Variants in IQCM observed in about 807,000 individuals in gnomAD.
IQCM encodes the protein IQ motif containing M.
A neutral mutation model predicts 57.6 loss-of-function variants in IQCM; 45 were observed. The ratio of observed to expected loss-of-function variants is 0.78; its 90% confidence interval spans 0.62 to 1.00. The LOEUF (loss-of-function observed/expected upper bound fraction) is 1.00, where lower values mean the gene tolerates loss of function less well. Among genes scored for constraint, IQCM ranks in the 50% least tolerant of loss-of-function variants. IQCM has a pLI of 0.00. For synonymous variants in IQCM, 148 were observed against 158.9 expected (o/e 0.93, Z 0.51); for missense variants, 468 against 511.6 (o/e 0.91, Z 0.82).
At chr4:149,449,397 A>T (rs1736860149) in intron 12 of IQCM, among the ~76,000 whole-genome samples, 1 of 145,404 alleles carries the variant, frequency 6.9e-6, no homozygotes, top group Admixed American at 7.0e-5. Flanking sequence ...TAATATATAT[A>T]TTTATATTTA....
rs543839080 is a variant in IQCM, at chr4:149,744,068, A to G, written c.-48-1329T>C. Among the ~76,000 whole-genome samples, 11 of 152,342 alleles carry G rather than the reference A, an allele frequency of 7.2e-5. No individual in the cohort carries two copies. In the South Asian group the frequency reaches 2.1e-3, roughly 29 times the overall value. On this transcript the variant is annotated intron_variant, in intron 2 of 13. Coordinates refer to ENST00000636793, the MANE Select transcript of IQCM (RefSeq NM_001363507.2). Reference sequence around the variant, plus strand: ...ATCTGTAAGCCAGCTTTGCCCTATGAAAGTCAGGACCCTGTAGCCTCATGC... The same window carrying G: ...ATCTGTAAGCCAGCTTTGCCCTATGGAAGTCAGGACCCTGTAGCCTCATGC...
At chr4:149,379,198 T>C (rs751133333) in intron 13 of IQCM, among the ~76,000 whole-genome samples, 1 of 152,214 alleles carries the variant, frequency 6.6e-6, no homozygotes, top group Non-Finnish European at 1.5e-5. Flanking sequence ...GAACCTCTGC[T>C]AGGGCAGTGC....
chr4:149,566,489 T>C (rs1277534591), intron 9 of IQCM, among the ~76,000 whole-genome samples: 1 of 152,082 alleles, frequency 6.6e-6, no homozygotes, highest in Non-Finnish European at 1.5e-5. Context: ...AGTTTGTGTG[T>C]GTGTGTGCGT....
intron 8 of IQCM, among the ~76,000 whole-genome samples, chr4:149,619,818 T>C (rs1756160222): frequency 6.6e-6 from 1 of 152,094 alleles, no homozygotes. Context: ...GTCATAAGGG[T>C]AGGGTCCTAA....
chr4:149,797,354 A>G (rs939865647), intron 2 of IQCM, among the ~76,000 whole-genome samples: 19 of 152,102 alleles, frequency 1.2e-4, no homozygotes, highest in African/African-American at 4.3e-4. Context: ...AAGACAGGCT[A>G]TTTTAAAATA....
intron 4 of IQCM, among the ~76,000 whole-genome samples, chr4:149,734,218 A>G (rs1385809920): frequency 1.3e-5 from 2 of 152,172 alleles, no homozygotes; most frequent in African/African-American, 4.8e-5. Flanking sequence ...TTGCTGACTC[A>G]AAAGGTCAAT....
At chr4:149,357,217 C>A (rs1281342770) in intron 13 of IQCM, among the ~76,000 whole-genome samples, 1 of 152,168 alleles carries the variant, frequency 6.6e-6, no homozygotes, top group Non-Finnish European at 1.5e-5. Flanking sequence ...TTCCTCTTTT[C>A]CTAATTTAAT....
At chr4:149,562,140 C>T (rs1051503206) in intron 10 of IQCM, among the ~76,000 whole-genome samples, 2 of 152,112 alleles carry the variant, frequency 1.3e-5, no homozygotes, top group African/African-American at 4.8e-5. Context: ...CTACTATATC[C>T]TGTAAGCAAT....
intron 7 of IQCM, among the ~76,000 whole-genome samples, chr4:149,621,763 CT>C (rs1661946082): frequency 6.6e-6 from 1 of 152,142 alleles, no homozygotes; most frequent in Admixed American, 6.5e-5. Flanking sequence ...CATATTTGTT[CT>C]GTCTCATGGC....
intron 12 of IQCM, among the ~76,000 whole-genome samples, chr4:149,468,529 C>T (rs12500855): frequency 0.96 from 146,186 of 152,242 alleles, 70,493 homozygotes; most frequent in East Asian, 1. Context: ...TGCATGCCTC[C>T]GTAGACTCCA....
intron 7 of IQCM, among the ~76,000 whole-genome samples, chr4:149,663,040 C>T (rs1324334577): frequency 6.6e-6 from 1 of 151,668 alleles, no homozygotes; most frequent in Admixed American, 6.6e-5. Flanking sequence ...GGCTTTGTTT[C>T]CTTTCTCTTT....
chr4:149,413,147 G>C (rs1165648177), intron 13 of IQCM, among the ~76,000 whole-genome samples: 1 of 152,160 alleles, frequency 6.6e-6, no homozygotes, highest in Non-Finnish European at 1.5e-5. Flanking sequence ...ATTTCAAATA[G>C]AAATGCTAAG....
chr4:149,699,386 G>A (rs1008441579), intron 5 of IQCM, among the ~76,000 whole-genome samples: 1 of 151,964 alleles, frequency 6.6e-6, no homozygotes, highest in Non-Finnish European at 1.5e-5. Context: ...CAGAAGCTTA[G>A]CAAAATTGCC....
chr4:149,373,410 T>A (rs564903321), intron 13 of IQCM, among the ~76,000 whole-genome samples: 70 of 152,106 alleles, frequency 4.6e-4, no homozygotes, highest in Non-Finnish European at 7.8e-4. Flanking sequence ...TTGCCTGTAT[T>A]TTCTCATTTA....
At chr4:149,547,375 G>A (rs1748555863) in intron 12 of IQCM, among the ~76,000 whole-genome samples, 1 of 152,176 alleles carries the variant, frequency 6.6e-6, no homozygotes, top group Non-Finnish European at 1.5e-5. Flanking sequence ...ATTATGTTAA[G>A]TTAAATAAGC....
intron 13 of IQCM, among the ~76,000 whole-genome samples, chr4:149,406,990 G>T: frequency 6.6e-6 from 1 of 151,802 alleles, no homozygotes; most frequent in African/African-American, 2.4e-5. Context: ...AGTGAAGGCT[G>T]GGGAGGCCTC....
intron 5 of IQCM, among the ~76,000 whole-genome samples, chr4:149,713,206 G>A (rs1388576225): frequency 1.3e-5 from 2 of 151,932 alleles, no homozygotes; most frequent in Admixed American, 6.6e-5. Flanking sequence ...CACCAACAAC[G>A]CTGGACCCCC....
intron 12 of IQCM, among the ~76,000 whole-genome samples, chr4:149,442,624 G>T (rs1349308686): frequency 6.6e-6 from 1 of 151,734 alleles, no homozygotes; most frequent in East Asian, 1.9e-4. Context: ...TTTCCTCTTG[G>T]GCTCTCAATT....
rs1309466045 is a variant in IQCM at position 149,368,989 on chromosome 4, C to T, written c.1391-16923G>A. 1.4e-3 allele frequency among the ~76,000 whole-genome samples: 21 copies of T among 14,932 alleles called. 5 individuals are homozygous for T. Among genetic ancestry groups the T allele is most frequent in the African/African-American group, 2.8e-3 (13 of 4,610 alleles). 9.8% of individuals were successfully genotyped at this position (14,932 alleles called of 152,430 possible). A position where few individuals can be genotyped will look rare whatever the true frequency, so the allele number is the denominator to read the frequency against. ...ATATATATATGTGTATATATATACA[C>T]GTGTATATATATATATATACACGTG... On this transcript the variant is annotated intron_variant, in intron 13 of 13. Coordinates refer to ENST00000636793, the MANE Select transcript of IQCM (RefSeq NM_001363507.2).
Sources: allele counts gnomAD v4.1 joint callset (sites outside exome capture counted in the v4.1 genomes callset), GRCh38; gene constraint gnomAD v4.1.1; transcripts MANE v1.5; gene names NCBI Gene and HGNC (gene_info 2026-07-23, HGNC 2026-07-21).